The following ADGRG6 variants were observed in gnomAD, a reference collection of about 807,000 sequenced individuals.
The protein encoded by ADGRG6 is adhesion G protein-coupled receptor G6.
A neutral mutation model predicts 142.4 loss-of-function variants in ADGRG6; 84 were observed. The observed-to-expected ratio is 0.59, with a 90% CI of 0.49 to 0.71. The LOEUF (loss-of-function observed/expected upper bound fraction) is 0.71. ADGRG6 is among the 30% of genes least tolerant of loss of function. The pLI is 0.00. For synonymous variants in ADGRG6, 521 were observed against 520.5 expected (o/e 1.00, Z -0.01); for missense variants, 1,367 against 1,466.6 (o/e 0.93, Z 1.11).
intron 15 of ADGRG6, 94 bp from the exon 16 acceptor site, chr6:142,408,056 G>T (rs1775898057): frequency 1.2e-6 from 1 of 851,416 alleles, no homozygotes. Flanking sequence ...GATCTTAAGT[G>T]TAAAAATTGC....
At chr6:142,418,681 G>C (rs767444852) in intron 21 of ADGRG6, among the ~76,000 whole-genome samples, 18 of 152,088 alleles carry the variant, frequency 1.2e-4, no homozygotes, top group African/African-American at 1.7e-4. Flanking sequence ...TTTACTGTAT[G>C]CCAGAATCAT....
At chr6:142,352,515 C>T (rs1277660901) in intron 2 of ADGRG6, among the ~76,000 whole-genome samples, 1 of 152,074 alleles carries the variant, frequency 6.6e-6, no homozygotes, top group Non-Finnish European at 1.5e-5. Context: ...CTCTTGGGTA[C>T]TATGCTCCGT....
chr6:142,376,025 A>G (rs1330461578), intron 4 of ADGRG6, among the ~76,000 whole-genome samples: 1 of 152,180 alleles, frequency 6.6e-6, no homozygotes, highest in African/African-American at 2.4e-5. Flanking sequence ...ACATGGTTAA[A>G]CCTGTCAATA....
intron 4 of ADGRG6, among the ~76,000 whole-genome samples, chr6:142,378,890 T>A (rs1781620123): frequency 6.6e-6 from 1 of 152,224 alleles, no homozygotes; most frequent in Non-Finnish European, 1.5e-5. Context: ...TAAAACCACC[T>A]CTGTAAAAGC....
chr6:142,420,187 G>T, intron 22 of ADGRG6, 83 bp downstream of exon 22: 1 of 1,059,310 alleles, frequency 9.4e-7, no homozygotes, highest in Non-Finnish European at 1.4e-6. Flanking sequence ...CAGATGCCAT[G>T]TTAAGTTTCT....
At chr6:142,389,760 G>A (rs1380466884) in intron 6 of ADGRG6, among the ~76,000 whole-genome samples, 1 of 151,734 alleles carries the variant, frequency 6.6e-6, no homozygotes, top group East Asian at 1.9e-4. Context: ...TATTAAGCAG[G>A]GGAAAGAGAG....
chr6:142,316,387 T>C (rs1248279590), intron 2 of ADGRG6, among the ~76,000 whole-genome samples: 2 of 152,144 alleles, frequency 1.3e-5, no homozygotes, highest in Non-Finnish European at 2.9e-5. Context: ...CTAGTCACTC[T>C]TATTGGTTTG....
intron 2 of ADGRG6, among the ~76,000 whole-genome samples, chr6:142,326,209 AAACACGTTGTTTCTGGAAC>A (rs1778769400): frequency 6.6e-6 from 1 of 152,040 alleles, no homozygotes; most frequent in African/African-American, 2.4e-5. Context: ...ACTTGACTTT[AAACACGTTGTTTCTGGAAC>A]AATTCATGTA....
intron 2 of ADGRG6, among the ~76,000 whole-genome samples, chr6:142,361,747 G>A (rs964053907): frequency 6.6e-5 from 10 of 152,080 alleles, no homozygotes; most frequent in Non-Finnish European, 1.2e-4. Context: ...TAACCAGGAG[G>A]TAGATTTGGT....
chr6:142,318,157 TA>T (rs1230658354), intron 2 of ADGRG6, among the ~76,000 whole-genome samples: 138 of 1,068 alleles, frequency 0.13, 4 homozygotes, highest in East Asian at 0.42. Flanking sequence ...TATTATATAT[TA>T]TATATATTAT....
intron 2 of ADGRG6, among the ~76,000 whole-genome samples, chr6:142,348,689 T>G (rs1001128389): frequency 6.6e-6 from 1 of 151,994 alleles, no homozygotes; most frequent in Admixed American, 6.6e-5. Context: ...CTGAAATTTA[T>G]GTTAAATCTT....
intron 15 of ADGRG6, among the ~76,000 whole-genome samples, chr6:142,407,074 C>A (rs1775839993): frequency 1.3e-5 from 2 of 151,108 alleles, no homozygotes. Flanking sequence ...GTGCCTCGTG[C>A]CTGTAATCCT....
intron 2 of ADGRG6, among the ~76,000 whole-genome samples, chr6:142,310,475 CTT>C (rs1237012843): frequency 6.6e-6 from 1 of 151,128 alleles, no homozygotes; most frequent in Non-Finnish European, 1.5e-5. Flanking sequence ...TTCTTGAAGT[CTT>C]ATGTATTTAT....
Position 142,443,773 on chromosome 6 carries a change from A to G in ADGRG6, c.*258A>G, listed in dbSNP as rs995511516. The G allele has an allele frequency of 1.6e-5, 5 of 315,216 alleles. No individual in the cohort carries two copies. The highest frequency in any genetic ancestry group is 4.4e-5 in the African/African-American group (2 of 45,866). 19.5% of individuals were successfully genotyped at this position (315,216 alleles called of 1,614,324 possible). A position where few individuals can be genotyped will look rare whatever the true frequency, so the allele number is the denominator to read the frequency against. On this transcript the variant is annotated 3_prime_UTR_variant, in exon 25 of 25. Transcript: ENST00000367609. ...ACAGAAGCTATGATTTGTAAAATAT[A>G]TAATTGAATCAGAGTAATCATAATG...
Position 142,445,761 on chromosome 6 carries a change from T to A in ADGRG6, c.*2246T>A, listed in dbSNP as rs996291947. 1.3e-5 allele frequency: 2 copies of A among 152,164 alleles called. No homozygotes were observed. Among genetic ancestry groups the A allele is most frequent in the African/African-American group, 4.8e-5 (2 of 41,458 alleles). 9.4% of individuals were successfully genotyped at this position (152,164 alleles called of 1,614,324 possible). A position where few individuals can be genotyped will look rare whatever the true frequency, so the allele number is the denominator to read the frequency against. ...CCCCCATCAGAACAGAGGTCAGGAA[T>A]TTAGCTGGGGAGCCTAAATTTAGTT... On this transcript the variant is annotated 3_prime_UTR_variant, in exon 25 of 25. Transcript: ENST00000367609.
chr6:142,359,203 TAAAAAAA>T (rs397885145), intron 2 of ADGRG6, among the ~76,000 whole-genome samples: 3 of 57,284 alleles, frequency 5.2e-5, no homozygotes, highest in South Asian at 1.2e-3. Context: ...CAAGACCCTA[TAAAAAAA>T]AAAAAAAAAA....
At chr6:142,405,541 G>A (rs1452691619) in intron 14 of ADGRG6, 147 bp from the exon 15 acceptor site, 2 of 693,988 alleles carry the variant, frequency 2.9e-6, no homozygotes, top group East Asian at 2.7e-5. Context: ...TCCAGGAGTT[G>A]CAGTGACTAC....
intron 24 of ADGRG6, 81 bp downstream of exon 24, chr6:142,438,445 C>A: frequency 2.3e-6 from 2 of 879,772 alleles, no homozygotes; most frequent in South Asian, 1.9e-5. Context: ...ATTGATAAAT[C>A]ACAGTGCCTA....
chr6:142,416,532 A>G (rs895860983), intron 20 of ADGRG6, among the ~76,000 whole-genome samples: 1 of 152,176 alleles, frequency 6.6e-6, no homozygotes, highest in African/African-American at 2.4e-5. Flanking sequence ...ACTTTTTGTA[A>G]TAACATGAGT....
Sources: gnomAD v4.1 joint callset for allele counts (sites outside exome capture counted in the v4.1 genomes callset) on GRCh38, gnomAD v4.1.1 for gene constraint, MANE v1.5 for transcripts, NCBI Gene and HGNC (gene_info 2026-07-23, HGNC 2026-07-21) for gene names.